TNPO3: variants seen among roughly 807,000 people sequenced by gnomAD.
The protein encoded by TNPO3 is transportin 3.
A neutral mutation model predicts 122.8 loss-of-function variants in TNPO3; 65 were observed. That is an observed-to-expected ratio of 0.53 (90% CI 0.43 to 0.65). The LOEUF (loss-of-function observed/expected upper bound fraction) is 0.65, where lower values mean the gene tolerates loss of function less well. Ranked by LOEUF, TNPO3 falls within the 30% of genes least tolerant of loss-of-function variation. The pLI, the probability that TNPO3 is intolerant of heterozygous loss-of-function variation, is 0.00. For missense variants in TNPO3, 850 were observed against 1,136.7 expected (o/e 0.75, Z 3.63); for synonymous variants, 372 against 411.2 (o/e 0.90, Z 1.15).
chr7:128,970,497 G>C lies in TNPO3; in HGVS notation c.2431-182C>G, dbSNP rs188169979. 1.1e-3 allele frequency among the ~76,000 whole-genome samples: 175 copies of C among 152,202 alleles called. 1 individual carries two copies. Among genetic ancestry groups the C allele is most frequent in the African/African-American group, 4.0e-3 (165 of 41,524 alleles). On this transcript the variant is annotated intron_variant, in intron 19 of 22. Coordinates refer to ENST00000265388, the MANE Select transcript of TNPO3 (RefSeq NM_012470.4). ...ACAGCTGGATTCACAAAGTCCAGAAGTTTTTTGTCTTTAGAAAGAAAATGA... is the reference window on the plus strand; with the variant it reads ...ACAGCTGGATTCACAAAGTCCAGAACTTTTTTGTCTTTAGAAAGAAAATGA...
At chr7:129,020,495 C>G (rs1253749708) in intron 1 of TNPO3, among the ~76,000 whole-genome samples, 3 of 152,190 alleles carry the variant, frequency 2.0e-5, no homozygotes, top group Non-Finnish European at 4.4e-5. Context: ...GGCTGGAGTG[C>G]AATGGCACGA....
intron 20 of TNPO3, 130 bp downstream of exon 20, chr7:128,970,018 G>C (rs1038499990): frequency 1.1e-6 from 1 of 941,478 alleles, no homozygotes; most frequent in African/African-American, 1.6e-5. Flanking sequence ...AATCTAATTT[G>C]GCAATATGCC....
intron 1 of TNPO3, among the ~76,000 whole-genome samples, chr7:129,036,046 C>T (rs1046562168): frequency 1.6e-4 from 24 of 150,918 alleles, no homozygotes; most frequent in African/African-American, 4.6e-4. Flanking sequence ...CACCGCCTCC[C>T]GGATTCAAGT....
chr7:129,014,955 A>C (rs1803664735), intron 4 of TNPO3, 24 bp downstream of exon 4: 7 of 1,550,100 alleles, frequency 4.5e-6, no homozygotes, highest in Non-Finnish European at 6.1e-6. Context: ...TTATGCAGCA[A>C]CTTAGTATTT....
chr7:129,018,211 A>G (rs1804061410), intron 1 of TNPO3, 54 bp from the exon 2 acceptor site: 2 of 1,556,134 alleles, frequency 1.3e-6, no homozygotes, highest in Non-Finnish European at 1.8e-6. Context: ...TCTAATTTTA[A>G]TGACATAACC....
chr7:129,003,033 C>A (rs1241446186), intron 5 of TNPO3, among the ~76,000 whole-genome samples: 2 of 100,482 alleles, frequency 2.0e-5, no homozygotes, highest in Non-Finnish European at 4.2e-5. Context: ...GAGCGAGACT[C>A]CCTCTCAAAA....
intron 1 of TNPO3, chr7:129,028,752 T>C: frequency 1.3e-5 from 3 of 228,594 alleles, no homozygotes; most frequent in Non-Finnish European, 2.6e-5. Flanking sequence ...CTGAGAATGT[T>C]TCCACTGCTG....
intron 1 of TNPO3, among the ~76,000 whole-genome samples, chr7:129,020,781 T>G (rs978527614): frequency 1.3e-5 from 2 of 152,238 alleles, no homozygotes; most frequent in Middle Eastern, 3.4e-3. Context: ...TGAAGCTTTA[T>G]ACAATCTCCA....
At chr7:129,041,669 G>C (rs1185534739) in intron 1 of TNPO3, 1 of 985,370 alleles carries the variant, frequency 1.0e-6, no homozygotes, top group Admixed American at 6.1e-5. Flanking sequence ...GGGGCTCAGA[G>C]TCAGCAGGAG....
chr7:129,021,085 GTGGCTCACGCCTGTAA>G (rs1172124772), intron 1 of TNPO3, among the ~76,000 whole-genome samples: 1 of 152,046 alleles, frequency 6.6e-6, no homozygotes, highest in African/African-American at 2.4e-5. Context: ...GCCGGGCGCG[GTGGCTCACGCCTGTAA>G]TCCCAGCACT....
At chr7:129,042,400 C>T (rs979975164) in intron 1 of TNPO3, among the ~76,000 whole-genome samples, 2 of 152,046 alleles carry the variant, frequency 1.3e-5, no homozygotes, top group African/African-American at 4.8e-5. Context: ...AACTACAAAT[C>T]GGTCAAACAA....
intron 4 of TNPO3, among the ~76,000 whole-genome samples, chr7:129,006,136 A>T (rs946904039): frequency 7.9e-5 from 12 of 152,268 alleles, no homozygotes; most frequent in Non-Finnish European, 1.2e-4. Flanking sequence ...CCCCAAATAC[A>T]ACTTTATAGG....
At chr7:128,973,826 G>GAAA (rs1798768732) in intron 18 of TNPO3, among the ~76,000 whole-genome samples, 5 of 39,002 alleles carry the variant, frequency 1.3e-4, no homozygotes, top group Middle Eastern at 0.019. Flanking sequence ...AAAAGAAAAG[G>GAAA]AAAAAAAAAG....
At chr7:128,977,312 G>C (rs1799157977) in intron 16 of TNPO3, among the ~76,000 whole-genome samples, 1 of 152,254 alleles carries the variant, frequency 6.6e-6, no homozygotes, top group Admixed American at 6.5e-5. Flanking sequence ...AGTCTATCAA[G>C]TTGTAGTAGA....
intron 1 of TNPO3, among the ~76,000 whole-genome samples, chr7:129,037,838 T>C (rs920959809): frequency 1.3e-5 from 2 of 151,860 alleles, no homozygotes; most frequent in African/African-American, 2.4e-5. Context: ...ATAATAATAC[T>C]ACCAACACCA....
At chr7:128,971,055 A>C (rs940703505) in intron 19 of TNPO3, 5 of 152,056 alleles carry the variant, frequency 3.3e-5, no homozygotes, top group East Asian at 1.9e-4. Flanking sequence ...AAAACAAAAC[A>C]AAACCAACTG....
chr7:128,977,354 G>A (rs1799163491), intron 16 of TNPO3, among the ~76,000 whole-genome samples: 3 of 152,222 alleles, frequency 2.0e-5, no homozygotes, highest in Admixed American at 1.3e-4. Flanking sequence ...GGGGACACTT[G>A]ACCAGAGGTG....
At chr7:129,017,482 A>C (rs1803979758) in intron 2 of TNPO3, among the ~76,000 whole-genome samples, 1 of 152,176 alleles carries the variant, frequency 6.6e-6, no homozygotes, top group Non-Finnish European at 1.5e-5. Context: ...TGCATTTGTC[A>C]TCTTGAAGAC....
At chr7:129,039,813 C>T (rs566226319) in intron 1 of TNPO3, among the ~76,000 whole-genome samples, 7 of 152,242 alleles carry the variant, frequency 4.6e-5, no homozygotes, top group Admixed American at 6.5e-5. Flanking sequence ...TGAAAGAAGA[C>T]AGTCACAAAG....
Sources: allele counts gnomAD v4.1 joint callset (sites outside exome capture counted in the v4.1 genomes callset), GRCh38; gene constraint gnomAD v4.1.1; transcripts MANE v1.5; gene names NCBI Gene and HGNC (gene_info 2026-07-23, HGNC 2026-07-21).